Variants in KDM4C observed in about 807,000 individuals in gnomAD.
KDM4C encodes the protein lysine demethylase 4C.
KDM4C carries 81 observed loss-of-function variants against 129.3 expected under a neutral mutation model. The ratio of observed to expected loss-of-function variants is 0.63; its 90% CI spans 0.52 to 0.75. KDM4C has a LOEUF of 0.75. Ranked by LOEUF, KDM4C falls within the 30% of genes least tolerant of loss-of-function variation. The pLI is 0.00. For synonymous variants in KDM4C, 573 were observed against 456.1 expected (o/e 1.26, Z -3.26); for missense variants, 1,457 against 1,304.0 (o/e 1.12, Z -1.81).
chr9:7,132,361 G>A (rs1252121402), intron 19 of KDM4C, among the ~76,000 whole-genome samples: 1 of 152,160 alleles, frequency 6.6e-6, no homozygotes, highest in South Asian at 2.1e-4. Context: ...TTACGTTAGC[G>A]TTATGTGACT....
At chr9:7,149,821 C>CG (rs1378251986) in intron 19 of KDM4C, among the ~76,000 whole-genome samples, 4 of 152,166 alleles carry the variant, frequency 2.6e-5, no homozygotes, top group Non-Finnish European at 4.4e-5. Context: ...TTTTTTCACC[C>CG]TACATCTTCC....
At chr9:6,753,521 G>T (rs1047531540), upstream of KDM4C, among the ~76,000 whole-genome samples, 30 of 152,250 alleles carry the variant, frequency 2.0e-4, no homozygotes, top group African/African-American at 6.5e-4. Flanking sequence ...TGATCCTCCT[G>T]CCTCAGCCTC....
intron 8 of KDM4C, among the ~76,000 whole-genome samples, chr9:6,904,333 G>C (rs1817924705): frequency 6.6e-6 from 1 of 151,738 alleles, no homozygotes; most frequent in Non-Finnish European, 1.5e-5. Flanking sequence ...AAACATTTCT[G>C]GGTTATAGAT....
Position 6,760,586 on chromosome 9 carries a change from T to TTTA in KDM4C, c.-18+2385_-18+2386insATT, listed in dbSNP as rs1563943419. On this transcript the variant is annotated intron_variant, in intron 1 of 21. Transcript: ENST00000381309. ...TATTTATTTATTTATTTATTTATTT[T>TTTA]TTGAGACGAAGTCTCACTCTGTTGC... 1.4e-4 allele frequency among the ~76,000 whole-genome samples: 19 copies of TTTA among 138,700 alleles called. No homozygotes were observed. In the South Asian group the frequency reaches 3.9e-3, roughly 28 times the overall value. The allele number at this position is 138,700 out of a possible 152,430, so 91.0% of individuals were successfully genotyped here.
intron 8 of KDM4C, among the ~76,000 whole-genome samples, chr9:6,951,376 C>T (rs1314187645): frequency 6.6e-6 from 1 of 152,174 alleles, no homozygotes; most frequent in African/African-American, 2.4e-5. Context: ...CTTCTGGACT[C>T]TGAAGCCCAG....
At chr9:6,906,349 A>C (rs1818304702) in intron 8 of KDM4C, among the ~76,000 whole-genome samples, 1 of 152,190 alleles carries the variant, frequency 6.6e-6, no homozygotes, top group African/African-American at 2.4e-5. Context: ...TCTCCAGGCA[A>C]CACTATGGAA....
At chr9:7,026,704 G>A (rs1025365440) in intron 15 of KDM4C, among the ~76,000 whole-genome samples, 1 of 151,964 alleles carries the variant, frequency 6.6e-6, no homozygotes, top group African/African-American at 2.4e-5. Flanking sequence ...CTGCCTCTGC[G>A]TTAAGGCTAG....
upstream of KDM4C, among the ~76,000 whole-genome samples, chr9:6,757,459 A>C (rs1588076860): frequency 6.6e-6 from 1 of 152,230 alleles, no homozygotes; most frequent in East Asian, 1.9e-4. Flanking sequence ...CTCTTCGCCT[A>C]TTCGGGATCT....
intron 8 of KDM4C, among the ~76,000 whole-genome samples, chr9:6,907,207 T>C (rs952725020): frequency 6.6e-6 from 1 of 152,222 alleles, no homozygotes; most frequent in East Asian, 1.9e-4. Context: ...AATACTTCTT[T>C]AGCATGAAGC....
At chr9:6,899,542 GGTGTGTGT>G (rs61209400) in intron 8 of KDM4C, among the ~76,000 whole-genome samples, 15 of 150,054 alleles carry the variant, frequency 1.0e-4, no homozygotes, top group Non-Finnish European at 1.6e-4. Flanking sequence ...TTTCCATGGG[GGTGTGTGT>G]GTGTGTGTGT....
intron 17 of KDM4C, among the ~76,000 whole-genome samples, chr9:7,073,444 C>T (rs1115751): frequency 0.038 from 5,712 of 152,288 alleles, 123 homozygotes; most frequent in South Asian, 0.07. Flanking sequence ...ATCCTGGACT[C>T]CTGACCCAAC....
chr9:6,779,805 C>G (rs988834388), intron 1 of KDM4C, among the ~76,000 whole-genome samples: 1 of 152,176 alleles, frequency 6.6e-6, no homozygotes, highest in Non-Finnish European at 1.5e-5. Context: ...GGGAAACCTG[C>G]TGTTTTACAA....
Position 7,157,976 on chromosome 9 carries a change from G to A in KDM4C, c.2782-7262G>A, listed in dbSNP as rs146860202. Among the ~76,000 whole-genome samples, 384 of 152,208 alleles carry A rather than the reference G, an allele frequency of 2.5e-3. 2 individuals are homozygous for A. The highest frequency in any genetic ancestry group is 0.019 in the South Asian group (92 of 4,816). On this transcript the variant is annotated intron_variant, in intron 19 of 21. Transcript: ENST00000381309. ...TCTGATAGAATTCGGCTGTGAATCC[G>A]TCTGGTCCTGGACTTTTTTTGGTTG...
At chr9:6,778,123 T>C (rs1286280994) in intron 1 of KDM4C, among the ~76,000 whole-genome samples, 1 of 149,692 alleles carries the variant, frequency 6.7e-6, no homozygotes, top group Non-Finnish European at 1.5e-5. Context: ...AGAGTCTTGC[T>C]CTGTCACCAA....
At chr9:6,800,340 C>G (rs1209337317) in intron 2 of KDM4C, among the ~76,000 whole-genome samples, 2 of 152,006 alleles carry the variant, frequency 1.3e-5, no homozygotes, top group African/African-American at 4.8e-5. Context: ...GCACTCTAGC[C>G]TGGGCAACAG....
chr9:6,763,256 C>A (rs1372559189), intron 1 of KDM4C, among the ~76,000 whole-genome samples: 5 of 152,190 alleles, frequency 3.3e-5, no homozygotes, highest in Non-Finnish European at 7.3e-5. Context: ...ACTCATCTTT[C>A]TTCCTAGTTC....
chr9:6,903,704 T>C (rs867498422), intron 8 of KDM4C, among the ~76,000 whole-genome samples: 8 of 152,136 alleles, frequency 5.3e-5, no homozygotes, highest in Non-Finnish European at 8.8e-5. Flanking sequence ...CAGAAAAGCA[T>C]TGGAAAGGAA....
At chr9:7,149,460 C>G (rs1842530062) in intron 19 of KDM4C, among the ~76,000 whole-genome samples, 1 of 152,236 alleles carries the variant, frequency 6.6e-6, no homozygotes, top group Non-Finnish European at 1.5e-5. Flanking sequence ...CACCTGGGAG[C>G]ATGGGCTCCC....
chr9:6,722,848 T>A (rs1001891118), intron 1 of KDM4C, among the ~76,000 whole-genome samples: 2 of 152,000 alleles, frequency 1.3e-5, no homozygotes, highest in African/African-American at 4.8e-5. Flanking sequence ...CTGGGTGTAG[T>A]GGCACACATC....
Sources: gnomAD v4.1 joint callset for allele counts (sites outside exome capture counted in the v4.1 genomes callset) on GRCh38, gnomAD v4.1.1 for gene constraint, MANE v1.5 for transcripts, NCBI Gene and HGNC (gene_info 2026-07-23, HGNC 2026-07-21) for gene names.